The following PRKAR2B variants were observed in gnomAD, a reference collection of about 807,000 sequenced individuals.
PRKAR2B encodes protein kinase cAMP-dependent type II regulatory subunit beta, also known as cAMP-dependent protein kinase type II-beta regulatory subunit.
A neutral mutation model predicts 49.9 loss-of-function variants in PRKAR2B; 14 were observed. That is an observed-to-expected ratio of 0.28 (90% CI 0.19 to 0.44). PRKAR2B has a LOEUF of 0.44. Among genes scored for constraint, PRKAR2B ranks in the 20% least tolerant of loss-of-function variants. The pLI is 1.00. For missense variants in PRKAR2B, 393 were observed against 537.9 expected, an observed-to-expected ratio of 0.73 and a Z score of 2.67; for synonymous variants, 196 against 197.7, an observed-to-expected ratio of 0.99 and a Z score of 0.07.
At chr7:107,103,152 T>C (rs1795008758) in intron 2 of PRKAR2B, among the ~76,000 whole-genome samples, 1 of 152,178 alleles carries the variant, frequency 6.6e-6, no homozygotes, top group Non-Finnish European at 1.5e-5. Flanking sequence ...CTTTTCAAAA[T>C]TTTAAAATTT....
chr7:107,092,378 T>C (rs1209575454), intron 2 of PRKAR2B, among the ~76,000 whole-genome samples: 1 of 151,938 alleles, frequency 6.6e-6, no homozygotes, highest in Non-Finnish European at 1.5e-5. Flanking sequence ...TTTATAGTCC[T>C]ACCTATTCCT....
At chr7:107,058,851 T>C (rs1288973629) in intron 1 of PRKAR2B, among the ~76,000 whole-genome samples, 2 of 152,194 alleles carry the variant, frequency 1.3e-5, no homozygotes, top group Admixed American at 6.6e-5. Flanking sequence ...CAAAACTGAG[T>C]AGAGCAGAAT....
At position 107,157,344 on chromosome 7, in the gene PRKAR2B, G is replaced by T; in HGVS notation, c.1123+20G>T. ...GTTTAGGTAGGGATTGCAACAGTGG[G>T]CGTGCTTCTGCTGGTTGAACTTATG... On this transcript the variant is annotated intron_variant, in intron 10 of 10. Transcript: ENST00000265717. 1 of 1,598,096 alleles carries T rather than the reference G, an allele frequency of 6.3e-7. No homozygotes were observed. The highest frequency in any genetic ancestry group is 8.5e-7 in the Non-Finnish European group (1 of 1,171,706).
chr7:107,102,844 T>C (rs1250349426), intron 2 of PRKAR2B, among the ~76,000 whole-genome samples: 2 of 152,108 alleles, frequency 1.3e-5, no homozygotes, highest in East Asian at 3.9e-4. Context: ...CTAATTTTTG[T>C]ATTTTTAGTG....
intron 2 of PRKAR2B, among the ~76,000 whole-genome samples, chr7:107,075,001 C>G (rs1794369526): frequency 6.6e-6 from 1 of 151,764 alleles, no homozygotes; most frequent in African/African-American, 2.4e-5. Flanking sequence ...AAGTTGTTTA[C>G]TTCTTTGAGT....
intron 2 of PRKAR2B, among the ~76,000 whole-genome samples, chr7:107,089,266 G>GA (rs1333399721): frequency 2.0e-5 from 3 of 152,092 alleles, no homozygotes; most frequent in Non-Finnish European, 4.4e-5. Context: ...TAAGTGGCAG[G>GA]AAAAAAATGG....
chr7:107,068,217 A>G (rs1450935877), intron 1 of PRKAR2B, among the ~76,000 whole-genome samples: 1 of 152,152 alleles, frequency 6.6e-6, no homozygotes, highest in East Asian at 1.9e-4. Flanking sequence ...AGACTTCCCG[A>G]CCTTTTAAAC....
chr7:107,110,600 G>A (rs1026603313), intron 2 of PRKAR2B, among the ~76,000 whole-genome samples: 1 of 151,614 alleles, frequency 6.6e-6, no homozygotes, highest in Non-Finnish European at 1.5e-5. Flanking sequence ...GGTGGTACCC[G>A]TTAGAGCCAC....
intron 1 of PRKAR2B, among the ~76,000 whole-genome samples, chr7:107,059,086 G>A (rs996368919): frequency 6.6e-6 from 1 of 151,884 alleles, no homozygotes; most frequent in South Asian, 2.1e-4. Flanking sequence ...TCAGGAGTTC[G>A]AGACCACCCT....
At chr7:107,060,631 TCTTC>T (rs572483978) in intron 1 of PRKAR2B, among the ~76,000 whole-genome samples, 8 of 132,886 alleles carry the variant, frequency 6.0e-5, no homozygotes, top group South Asian at 5.7e-4. Context: ...TCCCTTCCTC[TCTTC>T]CTTCCTTCCT....
At chr7:107,141,786 T>C (rs913079348) in intron 5 of PRKAR2B, among the ~76,000 whole-genome samples, 16 of 152,192 alleles carry the variant, frequency 1.1e-4, no homozygotes, top group African/African-American at 3.9e-4. Context: ...TGCTTTAACA[T>C]CATCCAGTCC....
At chr7:107,112,160 C>A (rs1383765702) in intron 2 of PRKAR2B, among the ~76,000 whole-genome samples, 5 of 109,186 alleles carry the variant, frequency 4.6e-5, no homozygotes, top group African/African-American at 1.9e-4. Context: ...GGTGACAGAG[C>A]AAGACTGTGT....
chr7:107,122,525 A>G (rs993975343), intron 3 of PRKAR2B, among the ~76,000 whole-genome samples: 1 of 152,166 alleles, frequency 6.6e-6, no homozygotes, highest in African/African-American at 2.4e-5. Context: ...TTTTTAAGCT[A>G]TGTCTTTCAG....
At chr7:107,101,782 G>C (rs191714339) in intron 2 of PRKAR2B, among the ~76,000 whole-genome samples, 39 of 152,120 alleles carry the variant, frequency 2.6e-4, no homozygotes, top group Admixed American at 7.8e-4. Flanking sequence ...AATGCCATGG[G>C]CTACCACTGT....
chr7:107,116,955 G>GTA (rs58330688), intron 2 of PRKAR2B, among the ~76,000 whole-genome samples: 9,949 of 142,482 alleles, frequency 0.07, 561 homozygotes, highest in African/African-American at 0.16. Context: ...GTGTGTGTGT[G>GTA]TATATATATA....
At chr7:107,064,272 G>GT (rs1278613139) in intron 1 of PRKAR2B, among the ~76,000 whole-genome samples, 1 of 152,100 alleles carries the variant, frequency 6.6e-6, no homozygotes. Flanking sequence ...GCAAAAATAT[G>GT]TTTTTTTCTA....
chr7:107,071,068 A>G lies in PRKAR2B; in HGVS notation c.343+752A>G, dbSNP rs974326661. On this transcript the variant is annotated intron_variant, in intron 2 of 10. Coordinates refer to ENST00000265717, the MANE Select transcript of PRKAR2B (RefSeq NM_002736.3). ...ATGAGTTTGGGCATTGAGATAAACT[A>G]TTATTTAGAAAATTCACCATATGGC... 3.3e-5 allele frequency among the ~76,000 whole-genome samples: 5 copies of G among 152,196 alleles called. No individual in the cohort carries two copies. In the East Asian group the frequency reaches 5.8e-4, roughly 18 times the overall value.
chr7:107,108,583 C>T (rs1330041808), intron 2 of PRKAR2B, among the ~76,000 whole-genome samples: 1 of 152,126 alleles, frequency 6.6e-6, no homozygotes, highest in Non-Finnish European at 1.5e-5. Context: ...ACCTGTCCTT[C>T]GAAGCCATAT....
chr7:107,047,866 C>G (rs1793728203), intron 1 of PRKAR2B, among the ~76,000 whole-genome samples: 2 of 152,160 alleles, frequency 1.3e-5, no homozygotes, highest in African/African-American at 4.8e-5. Flanking sequence ...TTTCTTCCCC[C>G]TCAGTAGACA....
Sources: allele counts gnomAD v4.1 joint callset (sites outside exome capture counted in the v4.1 genomes callset), GRCh38; gene constraint gnomAD v4.1.1; transcripts MANE v1.5; gene names NCBI Gene and HGNC (gene_info 2026-07-23, HGNC 2026-07-21).